The following LRBA variants were observed in gnomAD, a reference collection of about 807,000 sequenced individuals.
LRBA encodes lipopolysaccharide-responsive and beige-like anchor protein.
A neutral mutation model predicts 330.0 loss-of-function variants in LRBA; 176 were observed. The ratio of observed to expected loss-of-function variants is 0.53; its 90% CI spans 0.47 to 0.60. The LOEUF (loss-of-function observed/expected upper bound fraction) is 0.60. Ranked by LOEUF, LRBA falls within the 20% of genes least tolerant of loss-of-function variation. The pLI is 0.00. For missense variants in LRBA, 3,259 were observed against 3,444.8 expected (o/e 0.95, Z 1.35); for synonymous variants, 1,230 against 1,193.0 (o/e 1.03, Z -0.64).
At chr4:150,512,717 G>GAAA (rs370203536) in intron 40 of LRBA, among the ~76,000 whole-genome samples, 89 of 100,520 alleles carry the variant, frequency 8.9e-4, no homozygotes, top group African/African-American at 2.2e-3. Context: ...TGCTTTTTGA[G>GAAA]AAAAAAAAAA....
chr4:150,667,983 T>C (rs947749299), intron 37 of LRBA, among the ~76,000 whole-genome samples: 1 of 152,250 alleles, frequency 6.6e-6, no homozygotes, highest in African/African-American at 2.4e-5. Context: ...CCAGTAAATT[T>C]GTGGTAATTT....
intron 36 of LRBA, among the ~76,000 whole-genome samples, chr4:150,720,710 G>A (rs898519522): frequency 6.6e-6 from 1 of 152,036 alleles, no homozygotes; most frequent in Non-Finnish European, 1.5e-5. Context: ...AGAACTGAAG[G>A]AAAAATCAGA....
intron 2 of LRBA, among the ~76,000 whole-genome samples, chr4:150,994,876 A>G (rs1407316250): frequency 1.3e-5 from 2 of 152,222 alleles, no homozygotes; most frequent in East Asian, 1.9e-4. Context: ...AGAAAAAACA[A>G]CAAAGCATTG....
chr4:150,278,917 C>G (rs1356194991), intron 55 of LRBA, among the ~76,000 whole-genome samples: 1 of 152,008 alleles, frequency 6.6e-6, no homozygotes, highest in African/African-American at 2.4e-5. Flanking sequence ...CTCCACCTCT[C>G]AGGTTCAAGT....
At chr4:150,533,424 T>G (rs1448550570) in intron 40 of LRBA, among the ~76,000 whole-genome samples, 1 of 152,140 alleles carries the variant, frequency 6.6e-6, no homozygotes, top group Admixed American at 6.6e-5. Flanking sequence ...TCTGTCTCCT[T>G]GGGCTCCCAA....
At chr4:150,706,674 A>C (rs1449691549) in intron 36 of LRBA, among the ~76,000 whole-genome samples, 1 of 151,670 alleles carries the variant, frequency 6.6e-6, no homozygotes, top group Non-Finnish European at 1.5e-5. Flanking sequence ...AATTGGTAAA[A>C]AGAAAGAAAA....
Position 150,852,957 on chromosome 4 carries a change from G to T in LRBA, c.2767-14C>A. 6.7e-7 allele frequency: 1 copy of T among 1,500,834 alleles called. No individual in the cohort carries two copies. The highest frequency in any genetic ancestry group is 8.9e-7 in the Non-Finnish European group (1 of 1,119,004). 93.0% of individuals were successfully genotyped at this position (1,500,834 alleles called of 1,614,324 possible). A position where few individuals can be genotyped will look rare whatever the true frequency, so the allele number is the denominator to read the frequency against. On this transcript the variant is annotated splice_polypyrimidine_tract_variant and intron_variant, in intron 22 of 56. Coordinates refer to ENST00000651943, the MANE Select transcript of LRBA (RefSeq NM_001364905.1). ...TTCAAAAGTGACCTAGGTGAAAAATGTACAATCAGTTAAAATATGCATGAG... is the reference window on the plus strand; with the variant it reads ...TTCAAAAGTGACCTAGGTGAAAAATTTACAATCAGTTAAAATATGCATGAG...
At chr4:150,641,723 T>C (rs1315393987) in intron 37 of LRBA, among the ~76,000 whole-genome samples, 1 of 152,046 alleles carries the variant, frequency 6.6e-6, no homozygotes, top group Non-Finnish European at 1.5e-5. Context: ...AGAATTAGTT[T>C]AGGGGTATAG....
rs1561079611 is a variant in LRBA, at chr4:150,371,186, T to TTC, written c.7195-21028_7195-21027insGA. Among the ~76,000 whole-genome samples, 31 of 120,322 alleles carry TTC rather than the reference T, an allele frequency of 2.6e-4. 1 individual carries two copies. Among genetic ancestry groups the TTC allele is most frequent in the African/African-American group, 1.1e-3 (30 of 26,146 alleles). 78.9% of individuals were successfully genotyped at this position (120,322 alleles called of 152,430 possible). A position where few individuals can be genotyped will look rare whatever the true frequency, so the allele number is the denominator to read the frequency against. ...GCATGAGCTGCAAGCTACTAAATTT[T>TTC]TTTTTTTTTTTTTTTTTTTTTTTGG... is the stretch of plus-strand genomic sequence containing the variant. On this transcript the variant is annotated intron_variant, in intron 47 of 56. Transcript: ENST00000651943.
At chr4:150,464,988 C>T (rs1170991335) in intron 44 of LRBA, among the ~76,000 whole-genome samples, 1 of 151,996 alleles carries the variant, frequency 6.6e-6, no homozygotes, top group Non-Finnish European at 1.5e-5. Context: ...CACTATCCAT[C>T]TTGAGAACTT....
intron 37 of LRBA, among the ~76,000 whole-genome samples, chr4:150,601,200 AATTT>A (rs1192596479): frequency 1.3e-5 from 2 of 152,208 alleles, no homozygotes; most frequent in East Asian, 1.9e-4. Context: ...GTAAATTATT[AATTT>A]GTCATTCATC....
intron 35 of LRBA, among the ~76,000 whole-genome samples, chr4:150,749,890 T>G (rs912681296): frequency 1.3e-5 from 2 of 152,256 alleles, no homozygotes; most frequent in African/African-American, 4.8e-5. Context: ...TTATATGATC[T>G]GAATATTGAA....
chr4:150,859,140 A>G (rs1252233248), intron 22 of LRBA, among the ~76,000 whole-genome samples: 1 of 152,216 alleles, frequency 6.6e-6, no homozygotes, highest in Non-Finnish European at 1.5e-5. Context: ...GATATTTCAA[A>G]AAATCCAAGA....
chr4:150,276,705 C>T (rs1267751936), intron 56 of LRBA, among the ~76,000 whole-genome samples: 5 of 152,144 alleles, frequency 3.3e-5, no homozygotes, highest in African/African-American at 1.2e-4. Context: ...TAGAGAAATG[C>T]AAATCAAAAC....
intron 40 of LRBA, among the ~76,000 whole-genome samples, chr4:150,556,146 A>C (rs1465218276): frequency 6.6e-6 from 1 of 152,110 alleles, no homozygotes; most frequent in Non-Finnish European, 1.5e-5. Flanking sequence ...AAAATAAATA[A>C]AATAAAAATT....
chr4:150,644,861 T>A (rs955665097), intron 37 of LRBA, among the ~76,000 whole-genome samples: 1 of 151,846 alleles, frequency 6.6e-6, no homozygotes, highest in Non-Finnish European at 1.5e-5. Context: ...ATTGAACAAC[T>A]TACAAAGTTT....
intron 13 of LRBA, among the ~76,000 whole-genome samples, chr4:150,903,861 G>A (rs1731027901): frequency 6.6e-6 from 1 of 152,156 alleles, no homozygotes; most frequent in African/African-American, 2.4e-5. Context: ...CAAATTGTGT[G>A]TTAACATCTG....
intron 37 of LRBA, among the ~76,000 whole-genome samples, chr4:150,661,493 A>C (rs1452290195): frequency 6.6e-6 from 1 of 151,614 alleles, no homozygotes; most frequent in Non-Finnish European, 1.5e-5. Flanking sequence ...AAAAAGAAGA[A>C]AGAAAGAAAG....
intron 28 of LRBA, among the ~76,000 whole-genome samples, chr4:150,837,010 G>T (rs1435037405): frequency 2.6e-5 from 4 of 152,068 alleles, no homozygotes; most frequent in Non-Finnish European, 5.9e-5. Flanking sequence ...GTTCTCATTG[G>T]TTTCAAAGAA....
Sources: gnomAD v4.1 joint callset for allele counts (sites outside exome capture counted in the v4.1 genomes callset) on GRCh38, gnomAD v4.1.1 for gene constraint, MANE v1.5 for transcripts, NCBI Gene and HGNC (gene_info 2026-07-23, HGNC 2026-07-21) for gene names.